DLGAP2: variants seen among roughly 807,000 people sequenced by gnomAD.
DLGAP2 encodes disks large-associated protein 2.
Under a neutral mutation model 100.3 loss-of-function variants are expected in DLGAP2, and 26 were observed. The observed-to-expected ratio is 0.26, with a 90% CI of 0.19 to 0.36. The LOEUF is 0.36. DLGAP2 is among the 10% of genes least tolerant of loss of function. The probability of loss-of-function intolerance (pLI) is 1.00; values close to 1 mark genes in which losing one functional copy is unlikely to be tolerated. For missense variants in DLGAP2, 1,858 were observed against 1,453.2 expected, an observed-to-expected ratio of 1.28 and a Z score of -4.53; for synonymous variants, 886 against 630.1, an observed-to-expected ratio of 1.41 and a Z score of -6.08.
chr8:1,118,248 C>T (rs961076281), intron 2 of DLGAP2, among the ~76,000 whole-genome samples: 2 of 152,186 alleles, frequency 1.3e-5, no homozygotes, highest in African/African-American at 4.8e-5. Context: ...AGGATGTGAG[C>T]TCGGGGGAAC....
intron 5 of DLGAP2, among the ~76,000 whole-genome samples, chr8:1,558,542 TACAC>T (rs1243223303): frequency 6.7e-6 from 1 of 148,704 alleles, no homozygotes; most frequent in Admixed American, 6.7e-5. Flanking sequence ...CCTGCACACA[TACAC>T]ATATATGCAC....
At chr8:1,490,244 G>C (rs1351333941) in intron 3 of DLGAP2, among the ~76,000 whole-genome samples, 1 of 152,138 alleles carries the variant, frequency 6.6e-6, no homozygotes, top group Admixed American at 6.5e-5. Flanking sequence ...GAAGTCATTT[G>C]CACAATACCC....
At chr8:1,634,254 T>C (rs1195198396) in intron 8 of DLGAP2, among the ~76,000 whole-genome samples, 2 of 152,244 alleles carry the variant, frequency 1.3e-5, no homozygotes, top group Admixed American at 1.3e-4. Flanking sequence ...CAAAGAAAGC[T>C]GTGGATCCTC....
At chr8:1,213,069 C>A (rs1425944473) in intron 2 of DLGAP2, among the ~76,000 whole-genome samples, 1 of 152,036 alleles carries the variant, frequency 6.6e-6, no homozygotes, top group Non-Finnish European at 1.5e-5. Context: ...CGGTGAGTAT[C>A]CAGCATCTTA....
chr8:875,413 C>T (rs377477821), intron 1 of DLGAP2, among the ~76,000 whole-genome samples: 11 of 152,242 alleles, frequency 7.2e-5, no homozygotes, highest in East Asian at 5.8e-4. Flanking sequence ...TGAATCATGG[C>T]GGCAGTTTCC....
At chr8:1,276,935 A>C (rs545915369) in intron 3 of DLGAP2, among the ~76,000 whole-genome samples, 188 of 152,142 alleles carry the variant, frequency 1.2e-3, no homozygotes, top group Non-Finnish European at 2.2e-3. Context: ...GTTTTATGGA[A>C]TCATATAACA....
intron 1 of DLGAP2, among the ~76,000 whole-genome samples, chr8:884,029 C>G (rs962804655): frequency 1.3e-5 from 2 of 152,200 alleles, no homozygotes; most frequent in African/African-American, 2.4e-5. Flanking sequence ...TTTTCTTTAT[C>G]CAGTCTATCA....
At chr8:845,333 C>T (rs1407932099) in intron 1 of DLGAP2, among the ~76,000 whole-genome samples, 2 of 152,142 alleles carry the variant, frequency 1.3e-5, no homozygotes, top group South Asian at 2.1e-4. Flanking sequence ...TTCTATCCAT[C>T]CTAAGTGGTG....
chr8:1,227,993 G>C (rs958851270), intron 2 of DLGAP2, among the ~76,000 whole-genome samples: 1 of 151,998 alleles, frequency 6.6e-6, no homozygotes, highest in Non-Finnish European at 1.5e-5. Context: ...CTATTTATAT[G>C]CATGTTATGA....
intron 1 of DLGAP2, among the ~76,000 whole-genome samples, chr8:805,185 T>C (rs975112331): frequency 3.3e-5 from 5 of 152,246 alleles, no homozygotes; most frequent in African/African-American, 1.2e-4. Flanking sequence ...TCATTTATAA[T>C]GCCCAGAATA....
intron 1 of DLGAP2, among the ~76,000 whole-genome samples, chr8:820,582 G>C (rs1004431176): frequency 3.3e-5 from 5 of 152,178 alleles, no homozygotes; most frequent in African/African-American, 1.2e-4. Flanking sequence ...CAGACTCTAG[G>C]AAAACAGTGA....
chr8:1,143,104 G>A (rs17746648), intron 2 of DLGAP2, among the ~76,000 whole-genome samples: 32,724 of 152,118 alleles, frequency 0.22, 4,408 homozygotes, highest in Non-Finnish European at 0.31. Flanking sequence ...TGATGTTAGC[G>A]CAGCGGCCAC....
At chr8:970,674 G>C (rs942990896) in intron 2 of DLGAP2, among the ~76,000 whole-genome samples, 2 of 152,170 alleles carry the variant, frequency 1.3e-5, no homozygotes, top group African/African-American at 4.8e-5. Context: ...TGTGTTCTGT[G>C]TCCTTAGAGA....
At chr8:1,069,571 T>TC (rs890926968) in intron 2 of DLGAP2, among the ~76,000 whole-genome samples, 3 of 152,184 alleles carry the variant, frequency 2.0e-5, no homozygotes, top group African/African-American at 7.2e-5. Context: ...AGCTTTACTG[T>TC]CCCTTCACCG....
chr8:1,460,386 G>T (rs376706364), intron 3 of DLGAP2, among the ~76,000 whole-genome samples: 1 of 152,212 alleles, frequency 6.6e-6, no homozygotes, highest in African/African-American at 2.4e-5. Context: ...CAATGTGTCA[G>T]ATGCTGGCTA....
chr8:1,240,193 G>A (rs1456544899), intron 2 of DLGAP2, among the ~76,000 whole-genome samples: 3 of 135,816 alleles, frequency 2.2e-5, no homozygotes, highest in South Asian at 2.5e-4. Flanking sequence ...ACAGAGTATC[G>A]TGTCTAGTTC....
At chr8:1,096,840 G>A (rs1804389365) in intron 2 of DLGAP2, among the ~76,000 whole-genome samples, 1 of 141,064 alleles carries the variant, frequency 7.1e-6, no homozygotes. Context: ...GAGTGGAGCT[G>A]GGAGCCCGGG....
intron 2 of DLGAP2, among the ~76,000 whole-genome samples, chr8:928,672 G>GC (rs1470510865): frequency 2.0e-5 from 3 of 152,120 alleles, no homozygotes; most frequent in Non-Finnish European, 2.9e-5. Flanking sequence ...GTCCTCCTCT[G>GC]CCCTTTGCCT....
At chr8:1,359,065 C>T (rs759684432) in intron 3 of DLGAP2, among the ~76,000 whole-genome samples, 6 of 152,146 alleles carry the variant, frequency 3.9e-5, no homozygotes, top group Non-Finnish European at 7.4e-5. Flanking sequence ...GTGGGGCCCA[C>T]GATTCTGCAT....
Sources: allele counts gnomAD v4.1 joint callset (sites outside exome capture counted in the v4.1 genomes callset), GRCh38; gene constraint gnomAD v4.1.1; transcripts MANE v1.5; gene names NCBI Gene and HGNC (gene_info 2026-07-23, HGNC 2026-07-21).